TMTC2: variants seen among roughly 807,000 people sequenced by gnomAD.
The protein encoded by TMTC2 is protein O-mannosyl-transferase TMTC2.
TMTC2 carries 43 observed loss-of-function variants against 82.4 expected under a neutral mutation model. The ratio of observed to expected loss-of-function variants is 0.52; its 90% CI spans 0.41 to 0.67. TMTC2 has a LOEUF of 0.67. Among genes scored for constraint, TMTC2 ranks in the 30% least tolerant of loss-of-function variants. The probability of loss-of-function intolerance (pLI) is 0.00; values close to 1 mark genes in which losing one functional copy is unlikely to be tolerated. For synonymous variants in TMTC2, 408 were observed against 381.9 expected (o/e 1.07, Z -0.80); for missense variants, 919 against 1,012.4 (o/e 0.91, Z 1.25).
intron 11 of TMTC2, among the ~76,000 whole-genome samples, chr12:83,114,944 A>G (rs1321600480): frequency 6.6e-6 from 1 of 151,972 alleles, no homozygotes; most frequent in African/African-American, 2.4e-5. Flanking sequence ...TTGTGTAGCA[A>G]AATGTCTAGG....
intron 1 of TMTC2, among the ~76,000 whole-genome samples, chr12:82,778,096 C>T (rs1877691991): frequency 6.6e-6 from 1 of 152,028 alleles, no homozygotes; most frequent in Admixed American, 6.6e-5. Flanking sequence ...AAATATTCTT[C>T]AGTATTACTC....
At chr12:82,971,339 A>G (rs988129577) in intron 7 of TMTC2, among the ~76,000 whole-genome samples, 3 of 152,072 alleles carry the variant, frequency 2.0e-5, no homozygotes, top group African/African-American at 4.8e-5. Flanking sequence ...ATATATAAAA[A>G]CCTCTACAGT....
rs1874298848 is a variant in TMTC2, at chr12:82,906,222, CTT to C, written c.1483+9578_1483+9579del. 2.0e-5 allele frequency among the ~76,000 whole-genome samples: 3 copies of C among 152,092 alleles called. No homozygotes were observed. In the South Asian group the frequency reaches 6.2e-4, roughly 32 times the overall value. On this transcript the variant is annotated intron_variant, in intron 3 of 11. Transcript: ENST00000321196. ...CTTTTGTTTACCTCGAATTGAGTGT[CTT>C]TAACTATGATGAGTTGTAATTAACC...
At chr12:82,798,109 G>A (rs1486519381) in intron 1 of TMTC2, among the ~76,000 whole-genome samples, 1 of 150,234 alleles carries the variant, frequency 6.7e-6, no homozygotes, top group Non-Finnish European at 1.5e-5. Flanking sequence ...GCACCTGCCA[G>A]GACGCCCGGC....
At chr12:83,022,102 AAAAG>A (rs1265084513) in intron 8 of TMTC2, 30 of 96,004 alleles carry the variant, frequency 3.1e-4, no homozygotes, top group Admixed American at 5.4e-4. Context: ...TACCAAAAAA[AAAAG>A]AAGAAGAAAA....
intron 1 of TMTC2, among the ~76,000 whole-genome samples, chr12:82,689,725 T>C (rs1872495443): frequency 1.3e-5 from 2 of 152,184 alleles, no homozygotes; most frequent in African/African-American, 4.8e-5. Context: ...TGGTTGGCAG[T>C]TGTAAGTTTT....
At chr12:82,864,792 C>A (rs868157319) in intron 2 of TMTC2, among the ~76,000 whole-genome samples, 1 of 151,474 alleles carries the variant, frequency 6.6e-6, no homozygotes, top group African/African-American at 2.4e-5. Context: ...TGAGCCACCG[C>A]GCCCGGCCTA....
intron 1 of TMTC2, among the ~76,000 whole-genome samples, chr12:82,728,238 T>C (rs1447060747): frequency 6.6e-6 from 1 of 151,870 alleles, no homozygotes; most frequent in East Asian, 1.9e-4. Context: ...TAGAGATGAG[T>C]CCTATTCTGT....
intron 1 of TMTC2, among the ~76,000 whole-genome samples, chr12:82,808,767 G>T (rs1303655799): frequency 6.6e-6 from 1 of 151,976 alleles, no homozygotes; most frequent in East Asian, 1.9e-4. Context: ...ACTGGACAGA[G>T]TTTGGGATTA....
In TMTC2 at chr12:83,132,728, A is replaced by T; in HGVS notation, c.*339A>T. The T allele has an allele frequency of 4.0e-6, 1 of 252,416 alleles. No homozygotes were observed. The highest frequency in any genetic ancestry group is 7.5e-6 in the Non-Finnish European group (1 of 133,028). The allele number at this position is 252,416 out of a possible 1,614,324, so 15.6% of individuals were successfully genotyped here. A position where few individuals can be genotyped will look rare whatever the true frequency, so the allele number is the denominator to read the frequency against. On this transcript the variant is annotated 3_prime_UTR_variant, in exon 12 of 12. Coordinates refer to ENST00000321196, the MANE Select transcript of TMTC2 (RefSeq NM_152588.3). ...TTTTCTGAAAGCTAATTTCAAAATT[A>T]TGTTGTTCCTTAAACACTGTGAGAG...
intron 7 of TMTC2, among the ~76,000 whole-genome samples, chr12:82,981,302 A>G (rs1197383161): frequency 1.3e-5 from 2 of 151,910 alleles, no homozygotes; most frequent in Non-Finnish European, 2.9e-5. Context: ...TTGAAACATA[A>G]GAGTCAGTGA....
At chr12:82,999,204 A>G (rs1235985004) in intron 8 of TMTC2, among the ~76,000 whole-genome samples, 2 of 152,110 alleles carry the variant, frequency 1.3e-5, no homozygotes, top group African/African-American at 4.8e-5. Flanking sequence ...TATTTTTATT[A>G]TGATGACCTT....
rs773055727 is a variant in TMTC2 at position 82,896,439 on chromosome 12, A to G, written c.1276A>G (p.Ile426Val). 55 of 1,614,014 alleles carry G rather than the reference A, an allele frequency of 3.4e-5. No individual in the cohort carries two copies. The highest frequency in any genetic ancestry group is 3.3e-4 in the South Asian group (30 of 91,086). Residue 426 changes from isoleucine (I) to valine (V), a missense_variant, in exon 3 of 12, where the codon ATT becomes GTT. By Grantham distance (29) the Ile-to-Val change is conservative. Transcript: ENST00000321196. ...TGTAATTGCAGAGCGAGTATTATAT[A>G]TTCCTAGTATGGGCTTCTGCCTACT... ...GFVIAERVLY[I>V]PSMGFCLLIT... is the part of the protein sequence containing the mutation.
chr12:82,848,260 T>C (rs1321125578), intron 1 of TMTC2, among the ~76,000 whole-genome samples: 1 of 152,132 alleles, frequency 6.6e-6, no homozygotes, highest in African/African-American at 2.4e-5. Context: ...CCATGCTCTC[T>C]CCTGTCCCAG....
intron 1 of TMTC2, among the ~76,000 whole-genome samples, chr12:82,849,585 A>T (rs140723847): frequency 6.6e-6 from 1 of 152,254 alleles, no homozygotes; most frequent in East Asian, 1.9e-4. Context: ...CAATGATGAG[A>T]CTGTATGAAA....
intron 1 of TMTC2, among the ~76,000 whole-genome samples, chr12:82,855,500 C>T (rs890468191): frequency 2.6e-5 from 4 of 152,168 alleles, no homozygotes; most frequent in Admixed American, 1.3e-4. Context: ...ATGCCCACAG[C>T]TCCTTAAAAA....
At position 83,066,101 on chromosome 12, in the gene TMTC2, T is replaced by G. The variant is rs576279563; in HGVS notation, c.2331+4270T>G. ...TCCTTAAGAAATGTACAATCTAATG[T>G]GGGGAGGGAGTAGAGGAGAGAACAC... On this transcript the variant is annotated intron_variant, in intron 11 of 11. Transcript: ENST00000321196. Among the ~76,000 whole-genome samples, 6 of 151,958 alleles carry G rather than the reference T, an allele frequency of 3.9e-5. No individual in the cohort carries two copies. In the East Asian group the frequency reaches 1.2e-3, roughly 29 times the overall value.
At chr12:82,709,969 A>G (rs1873547182) in intron 1 of TMTC2, among the ~76,000 whole-genome samples, 2 of 152,202 alleles carry the variant, frequency 1.3e-5, no homozygotes, top group South Asian at 4.1e-4. Context: ...TTTTTTTTCA[A>G]CCTGCAAGTG....
chr12:82,704,951 A>G (rs1873274134), intron 1 of TMTC2, among the ~76,000 whole-genome samples: 1 of 152,244 alleles, frequency 6.6e-6, no homozygotes, highest in African/African-American at 2.4e-5. Flanking sequence ...ATACCCATCA[A>G]TCAACGAGTT....
Sources: gnomAD v4.1 joint callset for allele counts (sites outside exome capture counted in the v4.1 genomes callset) on GRCh38, gnomAD v4.1.1 for gene constraint, MANE v1.5 for transcripts, NCBI Gene and HGNC (gene_info 2026-07-23, HGNC 2026-07-21) for gene names.